The following RNF217 variants were observed in gnomAD, a reference collection of about 807,000 sequenced individuals.
RNF217 encodes ring finger protein 217.
Under a neutral mutation model 57.8 loss-of-function variants are expected in RNF217, and 31 were observed. That is an observed-to-expected ratio of 0.54 (90% confidence interval 0.40 to 0.72). The LOEUF (loss-of-function observed/expected upper bound fraction) is 0.72. RNF217 is among the 30% of genes least tolerant of loss of function. The pLI, the probability that RNF217 is intolerant of heterozygous loss-of-function variation, is 0.00. For synonymous variants in RNF217, 313 were observed against 294.0 expected, an observed-to-expected ratio of 1.06 and a Z score of -0.66; for missense variants, 696 against 708.3, an observed-to-expected ratio of 0.98 and a Z score of 0.20.
chr6:125,051,525 A>T (rs1375435946), intron 2 of RNF217, among the ~76,000 whole-genome samples: 2 of 152,048 alleles, frequency 1.3e-5, no homozygotes, highest in African/African-American at 4.8e-5. Context: ...CAGTGCACGG[A>T]TCCCCTCTAC....
chr6:125,090,194 A>G lies in RNF217; in HGVS notation c.*7257A>G, dbSNP rs1788894425. On this transcript the variant is annotated 3_prime_UTR_variant, in exon 6 of 6. Transcript: ENST00000521654. ...AATTAGTTTGTATATATATAAAACCATTTACCTTGACAAGGACAATCTGTT... is the reference window on the plus strand; with the variant it reads ...AATTAGTTTGTATATATATAAAACCGTTTACCTTGACAAGGACAATCTGTT... The G allele has an allele frequency of 6.6e-6, 1 of 152,128 alleles. No individual in the cohort carries two copies. The allele number at this position is 152,128 out of a possible 1,614,324, so 9.4% of individuals were successfully genotyped here.
chr6:124,987,732 C>T (rs1027073416), intron 1 of RNF217, among the ~76,000 whole-genome samples: 1 of 151,816 alleles, frequency 6.6e-6, no homozygotes, highest in Non-Finnish European at 1.5e-5. Context: ...TGCCTCAACC[C>T]GTGGAATAGC....
chr6:124,999,889 G>T (rs1784909194), intron 1 of RNF217, among the ~76,000 whole-genome samples: 1 of 152,048 alleles, frequency 6.6e-6, no homozygotes, highest in South Asian at 2.1e-4. Context: ...ATATGAAAAA[G>T]GTCCCAGAAC....
chr6:125,049,304 G>T (rs1385380468), intron 2 of RNF217, among the ~76,000 whole-genome samples: 1 of 152,010 alleles, frequency 6.6e-6, no homozygotes, highest in Non-Finnish European at 1.5e-5. Flanking sequence ...ATATATGTGT[G>T]GTTATTTGCC....
chr6:125,079,707 A>T (rs1193878364), intron 4 of RNF217, among the ~76,000 whole-genome samples: 9 of 152,134 alleles, frequency 5.9e-5, no homozygotes, highest in Non-Finnish European at 1.2e-4. Flanking sequence ...TTTGATACTA[A>T]TGTGAAGGCC....
intron 1 of RNF217, among the ~76,000 whole-genome samples, chr6:125,031,782 C>T (rs540744655): frequency 6.6e-6 from 1 of 152,186 alleles, no homozygotes; most frequent in Non-Finnish European, 1.5e-5. Context: ...CCAACCTCTG[C>T]CTGTTACCTA....
Position 124,992,405 on chromosome 6 carries a change from C to A in RNF217, c.882+28979C>A, listed in dbSNP as rs200089921. On this transcript the variant is annotated intron_variant, in intron 1 of 5. Coordinates refer to ENST00000521654, the MANE Select transcript of RNF217 (RefSeq NM_001286398.3). ...TAGTCAAGCAGGAGAAAATAAGAAACTAAGAGGCTATAGAACATTGATTTT... is the reference window on the plus strand; with the variant it reads ...TAGTCAAGCAGGAGAAAATAAGAAAATAAGAGGCTATAGAACATTGATTTT... Among the ~76,000 whole-genome samples the A allele has an allele frequency of 7.9e-5, 12 of 152,130 alleles. No homozygotes were observed. The East Asian group carries it at 2.3e-3, about 29-fold the overall frequency.
rs1788857592 is a variant in RNF217 at position 125,088,981 on chromosome 6, A to G, written c.*6044A>G. 1 of 152,594 alleles carries G rather than the reference A, an allele frequency of 6.6e-6. No individual in the cohort carries two copies. Among genetic ancestry groups the G allele is most frequent in the Non-Finnish European group, 1.5e-5 (1 of 68,024 alleles). The allele number at this position is 152,594 out of a possible 1,614,324, so 9.5% of individuals were successfully genotyped here. ...CCCATCTTGGCCAAGTGTGGGATAA[A>G]TTCTGTCTCGCCCGTAACTCCTTTC... On this transcript the variant is annotated 3_prime_UTR_variant, in exon 6 of 6. Coordinates refer to ENST00000521654, the MANE Select transcript of RNF217 (RefSeq NM_001286398.3).
chr6:125,060,673 G>A (rs1387716566), intron 3 of RNF217, among the ~76,000 whole-genome samples: 1 of 151,904 alleles, frequency 6.6e-6, no homozygotes, highest in Admixed American at 6.6e-5. Context: ...TCAAACTCCT[G>A]ACCTCAAGTG....
chr6:125,081,419 T>C lies in RNF217; in HGVS notation c.1484-17T>C, dbSNP rs757191867. Reference sequence around the variant, plus strand: ...AGTTTTAAGACTCCTTAAATAATTTTGCCTTTTGTTTTCCAGCTGGAAAAT... The same window carrying C: ...AGTTTTAAGACTCCTTAAATAATTTCGCCTTTTGTTTTCCAGCTGGAAAAT... On this transcript the variant is annotated splice_polypyrimidine_tract_variant and intron_variant, in intron 4 of 5. Coordinates refer to ENST00000521654, the MANE Select transcript of RNF217 (RefSeq NM_001286398.3). The C allele has an allele frequency of 2.5e-6, 4 of 1,605,472 alleles. No individual in the cohort carries two copies. The highest frequency in any genetic ancestry group is 3.4e-6 in the Non-Finnish European group (4 of 1,173,840).
At chr6:124,973,083 C>G (rs1286602965) in intron 1 of RNF217, among the ~76,000 whole-genome samples, 1 of 152,104 alleles carries the variant, frequency 6.6e-6, no homozygotes, top group Non-Finnish European at 1.5e-5. Context: ...AATATGTAAA[C>G]TATTTGAATA....
At chr6:125,038,595 T>C (rs1314746618) in intron 1 of RNF217, among the ~76,000 whole-genome samples, 2 of 152,156 alleles carry the variant, frequency 1.3e-5, no homozygotes, top group African/African-American at 2.4e-5. Flanking sequence ...ACATATACTT[T>C]AATTATCCCT....
At chr6:125,076,411 T>C (rs1788373957) in intron 3 of RNF217, among the ~76,000 whole-genome samples, 1 of 152,130 alleles carries the variant, frequency 6.6e-6, no homozygotes, top group African/African-American at 2.4e-5. Context: ...TGTTTGCTTT[T>C]ATATTGGTCA....
intron 1 of RNF217, among the ~76,000 whole-genome samples, chr6:124,970,551 C>T (rs115878995): frequency 5.3e-4 from 81 of 152,254 alleles, no homozygotes; most frequent in African/African-American, 2.0e-3. Context: ...GCCTTTTAGA[C>T]ATTCATGAAG....
rs932249040 is a variant in RNF217, at chr6:125,006,325, G to C, written c.883-38886G>C. 104 of 152,252 alleles carry C rather than the reference G, an allele frequency of 6.8e-4. 1 individual carries two copies. The highest frequency in any genetic ancestry group is 2.2e-3 in the African/African-American group (91 of 41,548). The allele number at this position is 152,252 out of a possible 1,614,324, so 9.4% of individuals were successfully genotyped here. A position where few individuals can be genotyped will look rare whatever the true frequency, so the allele number is the denominator to read the frequency against. ...TCCATTAAAAGAGTTGTTCAATGCAGGTGATTAATAATACTCAACTCCTAA... is the reference window on the plus strand; with the variant it reads ...TCCATTAAAAGAGTTGTTCAATGCACGTGATTAATAATACTCAACTCCTAA... On this transcript the variant is annotated intron_variant, in intron 1 of 5. Coordinates refer to ENST00000521654, the MANE Select transcript of RNF217 (RefSeq NM_001286398.3).
chr6:125,055,455 T>C lies in RNF217; in HGVS notation c.1117-2487T>C, dbSNP rs541167148. ...GAATCATGCATTGCTATAATTGTCTTCATTAGAGATTCACAAATGTGATAG... is the reference window on the plus strand; with the variant it reads ...GAATCATGCATTGCTATAATTGTCTCCATTAGAGATTCACAAATGTGATAG... On this transcript the variant is annotated intron_variant, in intron 2 of 5. Transcript: ENST00000521654. Among the ~76,000 whole-genome samples, 5 of 152,326 alleles carry C rather than the reference T, an allele frequency of 3.3e-5. No homozygotes were observed. The East Asian group carries it at 9.7e-4, about 29-fold the overall frequency.
chr6:125,036,767 A>G (rs1413444471), intron 1 of RNF217, among the ~76,000 whole-genome samples: 1 of 152,026 alleles, frequency 6.6e-6, no homozygotes, highest in East Asian at 1.9e-4. Context: ...AAAAATGCTC[A>G]TCATCGCTGG....
At chr6:125,077,034 A>C (rs753454029) in intron 4 of RNF217, among the ~76,000 whole-genome samples, 176 bp downstream of exon 4, 10 of 152,220 alleles carry the variant, frequency 6.6e-5, no homozygotes, top group Non-Finnish European at 1.0e-4. Flanking sequence ...TTACCAGGAC[A>C]CTACTTATAT....
At chr6:124,969,873 G>C (rs550002138) in intron 1 of RNF217, among the ~76,000 whole-genome samples, 2 of 151,488 alleles carry the variant, frequency 1.3e-5, no homozygotes, top group East Asian at 3.9e-4. Flanking sequence ...GTTTTGGGGG[G>C]GTTGTCATGG....
Sources: allele counts gnomAD v4.1 joint callset (sites outside exome capture counted in the v4.1 genomes callset), GRCh38; gene constraint gnomAD v4.1.1; transcripts MANE v1.5; gene names NCBI Gene and HGNC (gene_info 2026-07-23, HGNC 2026-07-21).